The following BICC1 variants were observed in gnomAD, a reference collection of about 807,000 sequenced individuals.
The protein encoded by BICC1 is protein bicaudal C homolog 1.
A neutral mutation model predicts 111.0 loss-of-function variants in BICC1; 43 were observed. The ratio of observed to expected loss-of-function variants is 0.39; its 90% CI spans 0.30 to 0.50. BICC1 has a LOEUF of 0.50. Among genes scored for constraint, BICC1 ranks in the 20% least tolerant of loss-of-function variants. The pLI is 0.88. For missense variants in BICC1, 1,091 were observed against 1,203.2 expected (o/e 0.91, Z 1.38); for synonymous variants, 467 against 434.4 (o/e 1.07, Z -0.93).
At chr10:58,770,845 T>C (rs1031473933) in intron 3 of BICC1, among the ~76,000 whole-genome samples, 10 of 152,118 alleles carry the variant, frequency 6.6e-5, no homozygotes, top group African/African-American at 2.2e-4. Context: ...GATTCGGAGA[T>C]TATGTAGACC....
chr10:58,600,483 T>C (rs763098187), intron 1 of BICC1, among the ~76,000 whole-genome samples: 2 of 152,206 alleles, frequency 1.3e-5, no homozygotes, highest in Admixed American at 1.3e-4. Flanking sequence ...TTGGTCAAGA[T>C]GTGCTGTTTT....
rs1350025693 is a variant in BICC1, at chr10:58,804,211, C to A, written c.2181+969C>A. On this transcript the variant is annotated intron_variant, in intron 15 of 20. Transcript: ENST00000373886. ...AAAAGCTATGGCCTTTATAATGTGT[C>A]AGTGTTTAAAAAAGACATTTAAGGC... Among the ~76,000 whole-genome samples the A allele has an allele frequency of 2.0e-5, 3 of 151,928 alleles. No individual in the cohort carries two copies. In the East Asian group the frequency reaches 5.8e-4, roughly 29 times the overall value.
chr10:58,829,087 A>C lies in BICC1; in HGVS notation c.*196A>C. On this transcript the variant is annotated 3_prime_UTR_variant, in exon 21 of 21. Transcript: ENST00000373886. ...TTCTTATGATGTCATACAGAACACC[A>C]AATATGGATTACTTTTTTAAAATGG... The C allele has an allele frequency of 3.8e-6, 2 of 526,858 alleles. No individual in the cohort carries two copies. The highest frequency in any genetic ancestry group is 7.4e-5 in the South Asian group (2 of 27,076). The allele number at this position is 526,858 out of a possible 1,614,324, so 32.6% of individuals were successfully genotyped here.
intron 1 of BICC1, among the ~76,000 whole-genome samples, chr10:58,556,328 G>A (rs972964737): frequency 3.3e-5 from 5 of 151,994 alleles, no homozygotes; most frequent in African/African-American, 4.8e-5. Flanking sequence ...GTCTTGCATC[G>A]AAGCATTTTA....
At chr10:58,801,103 C>G in intron 14 of BICC1, 57 bp downstream of exon 14, 1 of 1,448,568 alleles carries the variant, frequency 6.9e-7, no homozygotes, top group Non-Finnish European at 9.2e-7. Context: ...TATATTTGTT[C>G]TCAACTCTAT....
At chr10:58,612,999 C>G (rs1488704208) in intron 1 of BICC1, among the ~76,000 whole-genome samples, 1 of 152,122 alleles carries the variant, frequency 6.6e-6, no homozygotes, top group Non-Finnish European at 1.5e-5. Flanking sequence ...TCAACTTTTG[C>G]TGTTTTTATT....
chr10:58,638,462 G>T (rs557149815), intron 2 of BICC1, among the ~76,000 whole-genome samples: 1 of 152,252 alleles, frequency 6.6e-6, no homozygotes, highest in Admixed American at 6.5e-5. Context: ...TTTGACTCTT[G>T]CCTTCTTTGC....
intron 2 of BICC1, among the ~76,000 whole-genome samples, chr10:58,665,195 T>G (rs886889438): frequency 6.6e-6 from 1 of 152,140 alleles, no homozygotes; most frequent in African/African-American, 2.4e-5. Context: ...TGCCGAAGCC[T>G]CAGGAAAGGG....
At chr10:58,810,109 A>G (rs1463919945) in intron 17 of BICC1, among the ~76,000 whole-genome samples, 2 of 152,240 alleles carry the variant, frequency 1.3e-5, no homozygotes, top group Admixed American at 1.3e-4. Context: ...ACTCTGCTGT[A>G]AAGGGATGTA....
intron 1 of BICC1, among the ~76,000 whole-genome samples, chr10:58,575,334 G>A (rs1037939838): frequency 6.6e-6 from 1 of 151,844 alleles, no homozygotes; most frequent in Non-Finnish European, 1.5e-5. Context: ...ATGACACTCC[G>A]CACACTGCTC....
rs1363666835 is a variant in BICC1, at chr10:58,830,790, G to A, written c.*1899G>A. Reference sequence around the variant, plus strand: ...CATCCTGTGCATATGTGTACAAATGGTCATGTGGATCATGTGATGATCATC... The same window carrying A: ...CATCCTGTGCATATGTGTACAAATGATCATGTGGATCATGTGATGATCATC... On this transcript the variant is annotated 3_prime_UTR_variant, in exon 21 of 21. Coordinates refer to ENST00000373886, the MANE Select transcript of BICC1 (RefSeq NM_001080512.3). The A allele has an allele frequency of 6.6e-6, 1 of 152,128 alleles. No homozygotes were observed. The highest frequency in any genetic ancestry group is 2.4e-5 in the African/African-American group (1 of 41,416). The allele number at this position is 152,128 out of a possible 1,614,324, so 9.4% of individuals were successfully genotyped here.
At chr10:58,812,240 C>G (rs1463156973) in intron 17 of BICC1, among the ~76,000 whole-genome samples, 2 of 151,712 alleles carry the variant, frequency 1.3e-5, no homozygotes, top group Admixed American at 1.3e-4. Context: ...GAGGGATTGG[C>G]TGTGTTGAGG....
At chr10:58,624,327 G>A (rs1845919414) in intron 2 of BICC1, among the ~76,000 whole-genome samples, 1 of 152,170 alleles carries the variant, frequency 6.6e-6, no homozygotes, top group Non-Finnish European at 1.5e-5. Flanking sequence ...CCAGGCATTA[G>A]TACTTCAACA....
chr10:58,788,880 G>A (rs1843090311), intron 6 of BICC1, among the ~76,000 whole-genome samples: 1 of 152,128 alleles, frequency 6.6e-6, no homozygotes, highest in Non-Finnish European at 1.5e-5. Context: ...GAGGCCTGGA[G>A]TTCGTGACCA....
chr10:58,715,971 T>G, intron 3 of BICC1: 1 of 1,390,928 alleles, frequency 7.2e-7, no homozygotes, highest in Non-Finnish European at 1.0e-6. Flanking sequence ...ACCGTTCACA[T>G]AAATCTTCTG....
intron 1 of BICC1, among the ~76,000 whole-genome samples, chr10:58,526,672 T>C (rs910788503): frequency 7.2e-5 from 11 of 152,166 alleles, no homozygotes; most frequent in Non-Finnish European, 2.9e-5. Context: ...AGTGAGAACA[T>C]GCGGTGTTTG....
chr10:58,549,505 T>A (rs752379705), intron 1 of BICC1, among the ~76,000 whole-genome samples: 1 of 152,168 alleles, frequency 6.6e-6, no homozygotes, highest in Non-Finnish European at 1.5e-5. Flanking sequence ...AGATGTCTAG[T>A]AGTATCTCAT....
intron 3 of BICC1, among the ~76,000 whole-genome samples, chr10:58,718,377 C>T (rs911330319): frequency 3.3e-5 from 5 of 152,186 alleles, no homozygotes; most frequent in African/African-American, 9.7e-5. Flanking sequence ...TAATCACCTT[C>T]CAAAGTCTCC....
At chr10:58,583,082 C>T (rs958982816) in intron 1 of BICC1, among the ~76,000 whole-genome samples, 14 of 152,164 alleles carry the variant, frequency 9.2e-5, no homozygotes, top group African/African-American at 3.4e-4. Context: ...CTCTAGTGTT[C>T]TGTGTCTTAA....
Sources: gnomAD v4.1 joint callset for allele counts (sites outside exome capture counted in the v4.1 genomes callset) on GRCh38, gnomAD v4.1.1 for gene constraint, MANE v1.5 for transcripts, NCBI Gene and HGNC (gene_info 2026-07-23, HGNC 2026-07-21) for gene names.